Variants in METTL15 observed in about 807,000 individuals in gnomAD.
METTL15 encodes the protein 12S rRNA N(4)-cytidine methyltransferase METTL15.
Under a neutral mutation model 38.3 loss-of-function variants are expected in METTL15, and 34 were observed. The observed-to-expected ratio is 0.89, with a 90% confidence interval of 0.68 to 1.18. The LOEUF (loss-of-function observed/expected upper bound fraction) is 1.18, where lower values mean the gene tolerates loss of function less well. METTL15 is among the 50% of genes most tolerant of loss of function. The pLI is 0.00. For synonymous variants in METTL15, 162 were observed against 170.9 expected (o/e 0.95, Z 0.41); for missense variants, 438 against 498.4 (o/e 0.88, Z 1.15).
intron 6 of METTL15, among the ~76,000 whole-genome samples, chr11:28,510,562 A>G (rs1851665671): frequency 6.6e-6 from 1 of 152,090 alleles, no homozygotes; most frequent in Non-Finnish European, 1.5e-5. Flanking sequence ...TCAGTGAACA[A>G]TTTTGAATGC....
At chr11:28,360,062 GA>G (rs1850123157) in intron 4 of METTL15, among the ~76,000 whole-genome samples, 1 of 152,144 alleles carries the variant, frequency 6.6e-6, no homozygotes, top group Admixed American at 6.5e-5. Flanking sequence ...CATAGAGCTG[GA>G]AGGGGCCTTA....
intron 6 of METTL15, among the ~76,000 whole-genome samples, chr11:28,322,479 A>G (rs1849504115): frequency 6.6e-6 from 1 of 152,154 alleles, no homozygotes; most frequent in African/African-American, 2.4e-5. Context: ...TTTACCTACT[A>G]TCAGACTAGT....
chr11:28,410,221 T>C (rs914802400), intron 5 of METTL15, among the ~76,000 whole-genome samples: 20 of 152,190 alleles, frequency 1.3e-4, no homozygotes, highest in Admixed American at 1.3e-3. Context: ...TTTTAAATTC[T>C]TTCAAAAAAT....
rs749668476 is a variant in METTL15 at position 28,296,779 on chromosome 11, A to T, written c.626A>T (p.Asp209Val). 2.5e-6 allele frequency: 4 copies of T among 1,613,312 alleles called. No individual in the cohort carries two copies. The highest frequency in any genetic ancestry group is 2.5e-6 in the Non-Finnish European group (3 of 1,179,594). Residue 209 changes from aspartate to valine, a missense_variant, in exon 6 of 7, where the codon GAT becomes GTT. Coordinates refer to ENST00000407364, the MANE Select transcript of METTL15 (RefSeq NM_001113528.2). The part of the protein sequence containing the change: ...GRYPDMPTAA[D>V]VVNALDQQAL... ...TACCCTGACATGCCCACTGCTGCTG[A>T]TGTTGTGAATGCTTTAGATCAACAG... is the stretch of plus-strand genomic sequence containing the variant.
At chr11:28,295,734 A>C (rs1270329347) in intron 5 of METTL15, among the ~76,000 whole-genome samples, 2 of 152,094 alleles carry the variant, frequency 1.3e-5, no homozygotes, top group Admixed American at 1.3e-4. Context: ...TCCTAGAGGC[A>C]CTAGGCTTAA....
rs138095105 is a variant in METTL15, at chr11:28,144,110, A to G, written c.270+30506A>G. Among the ~76,000 whole-genome samples the G allele has an allele frequency of 8.5e-5, 13 of 152,326 alleles. No homozygotes were observed. The East Asian group carries it at 2.3e-3, about 27-fold the overall frequency. ...GAGACAAGTTCATCATTTTAACCCC[A>G]GTAAGTGTAATCTTTTATGTAGTGG... On this transcript the variant is annotated intron_variant, in intron 3 of 6. Coordinates refer to ENST00000407364, the MANE Select transcript of METTL15 (RefSeq NM_001113528.2).
chr11:28,169,621 C>A (rs1177701204), intron 3 of METTL15, among the ~76,000 whole-genome samples: 1 of 152,008 alleles, frequency 6.6e-6, no homozygotes, highest in Non-Finnish European at 1.5e-5. Flanking sequence ...AACATTAAAA[C>A]TTGTTTTTAA....
chr11:28,366,143 C>G (rs1850183444), intron 5 of METTL15, among the ~76,000 whole-genome samples: 1 of 152,002 alleles, frequency 6.6e-6, no homozygotes, highest in Non-Finnish European at 1.5e-5. Flanking sequence ...CCACTTTGCA[C>G]TGGTCATAGA....
At chr11:28,184,224 G>C (rs1254541295) in intron 3 of METTL15, among the ~76,000 whole-genome samples, 2 of 151,796 alleles carry the variant, frequency 1.3e-5, no homozygotes, top group East Asian at 3.9e-4. Context: ...TGGATTCGTT[G>C]ATTTTTTTGA....
intron 6 of METTL15, among the ~76,000 whole-genome samples, chr11:28,510,657 G>T (rs1290393088): frequency 1.3e-5 from 2 of 152,170 alleles, no homozygotes; most frequent in Non-Finnish European, 2.9e-5. Context: ...GAGAAATGGA[G>T]GTTTAGAGAG....
chr11:28,280,058 C>CA (rs907170996), intron 4 of METTL15, among the ~76,000 whole-genome samples: 6 of 152,048 alleles, frequency 3.9e-5, no homozygotes, highest in African/African-American at 1.4e-4. Context: ...TTTAATTCCA[C>CA]ATATATATTG....
chr11:28,471,531 T>C (rs1018977714), intron 6 of METTL15, among the ~76,000 whole-genome samples: 2 of 152,160 alleles, frequency 1.3e-5, no homozygotes, highest in African/African-American at 4.8e-5. Context: ...AAAGAACTTC[T>C]GTGATTTGTA....
Position 28,177,735 on chromosome 11 carries a change from C to T in METTL15, c.271-33327C>T, listed in dbSNP as rs372444518. 1.7e-4 allele frequency among the ~76,000 whole-genome samples: 26 copies of T among 151,894 alleles called. 1 individual carries two copies. The South Asian group carries it at 3.1e-3, about 18-fold the overall frequency. ...GTTTCCTCATCTGATATAATGAAAG[C>T]GTTGGAGTCTATTGGAAATTAGATC... On this transcript the variant is annotated intron_variant, in intron 3 of 6. Coordinates refer to ENST00000407364, the MANE Select transcript of METTL15 (RefSeq NM_001113528.2).
intron 3 of METTL15, among the ~76,000 whole-genome samples, chr11:28,349,174 A>G (rs938669880): frequency 1.3e-5 from 2 of 152,174 alleles, no homozygotes; most frequent in Non-Finnish European, 2.9e-5. Context: ...TTATTGCTTT[A>G]TCTTTTCTTT....
intron 4 of METTL15, among the ~76,000 whole-genome samples, chr11:28,354,452 C>T (rs1402483172): frequency 6.6e-6 from 1 of 152,126 alleles, no homozygotes; most frequent in Non-Finnish European, 1.5e-5. Context: ...AGGAACCTAA[C>T]ATTGTATGAG....
intron 6 of METTL15, among the ~76,000 whole-genome samples, chr11:28,500,988 C>G (rs2582908): frequency 0.55 from 83,468 of 152,106 alleles, 23,540 homozygotes; most frequent in East Asian, 0.74. Flanking sequence ...ACAATTTTAT[C>G]TTCTTCAAGC....
At chr11:28,203,079 A>G (rs1852175092) in intron 3 of METTL15, among the ~76,000 whole-genome samples, 1 of 152,064 alleles carries the variant, frequency 6.6e-6, no homozygotes, top group African/African-American at 2.4e-5. Flanking sequence ...GTCTTAAAGG[A>G]TATCAAATTT....
chr11:28,294,517 A>G (rs1281832950), intron 5 of METTL15, among the ~76,000 whole-genome samples: 1 of 152,168 alleles, frequency 6.6e-6, no homozygotes, highest in African/African-American at 2.4e-5. Context: ...AAGGTTTCTC[A>G]TGTAGAAGCA....
intron 6 of METTL15, among the ~76,000 whole-genome samples, chr11:28,490,924 A>G (rs1310075754): frequency 6.6e-6 from 1 of 152,196 alleles, no homozygotes; most frequent in African/African-American, 2.4e-5. Flanking sequence ...AACTGGTCCC[A>G]GGATTAGAAA....
Sources: gnomAD v4.1 joint callset for allele counts (sites outside exome capture counted in the v4.1 genomes callset) on GRCh38, gnomAD v4.1.1 for gene constraint, MANE v1.5 for transcripts, NCBI Gene and HGNC (gene_info 2026-07-23, HGNC 2026-07-21) for gene names.